Variants in RDH10 observed in about 807,000 individuals in gnomAD.
RDH10 encodes the protein retinol dehydrogenase 10.
Under a neutral mutation model 30.2 loss-of-function variants are expected in RDH10, and 12 were observed. The ratio of observed to expected loss-of-function variants is 0.40; its 90% CI spans 0.25 to 0.64. The LOEUF is 0.64. Among genes scored for constraint, RDH10 ranks in the 30% least tolerant of loss-of-function variants. The pLI is 0.43. For synonymous variants in RDH10, 189 were observed against 172.2 expected (o/e 1.10, Z -0.76); for missense variants, 268 against 445.2 (o/e 0.60, Z 3.58).
At chr8:73,316,809 G>A (rs1259737830) in intron 2 of RDH10, among the ~76,000 whole-genome samples, 1 of 152,142 alleles carries the variant, frequency 6.6e-6, no homozygotes, top group Non-Finnish European at 1.5e-5. Flanking sequence ...AGAAGCAGGA[G>A]GAAGCGAGGG....
At chr8:73,301,263 G>A (rs1396958831) in intron 2 of RDH10, among the ~76,000 whole-genome samples, 1 of 149,426 alleles carries the variant, frequency 6.7e-6, no homozygotes, top group African/African-American at 2.4e-5. Flanking sequence ...TGTTAGCCAG[G>A]ATGGTCTCGA....
At chr8:73,321,481 C>T (rs1358981599) in intron 4 of RDH10, among the ~76,000 whole-genome samples, 1 of 152,132 alleles carries the variant, frequency 6.6e-6, no homozygotes, top group Non-Finnish European at 1.5e-5. Context: ...CAGAGAGTAA[C>T]GTGCCTTTCT....
At chr8:73,307,807 C>A (rs1164419488) in intron 2 of RDH10, among the ~76,000 whole-genome samples, 1 of 152,212 alleles carries the variant, frequency 6.6e-6, no homozygotes, top group Non-Finnish European at 1.5e-5. Context: ...AAGAATTAAT[C>A]TTCAAATGTT....
chr8:73,324,848 A>G lies in RDH10; in HGVS notation c.*1812A>G, dbSNP rs1327241442. 6.6e-6 allele frequency: 1 copy of G among 152,206 alleles called. No homozygotes were observed. Among genetic ancestry groups the G allele is most frequent in the East Asian group, 1.9e-4 (1 of 5,208 alleles). The allele number at this position is 152,206 out of a possible 1,614,324, so 9.4% of individuals were successfully genotyped here. On this transcript the variant is annotated 3_prime_UTR_variant, in exon 6 of 6. Transcript: ENST00000240285. ...GATCAAATCTGCACTGTGTCTACAT[A>G]TAGGAAAGGTCCTGGTGTGTGCTAA... is the stretch of plus-strand genomic sequence containing the variant.
chr8:73,305,202 G>T (rs1814446301), intron 2 of RDH10, among the ~76,000 whole-genome samples: 1 of 152,166 alleles, frequency 6.6e-6, no homozygotes, highest in Non-Finnish European at 1.5e-5. Flanking sequence ...ATACTTAACT[G>T]CTCACACTCC....
intron 2 of RDH10, among the ~76,000 whole-genome samples, chr8:73,302,785 T>G (rs1455711500): frequency 6.6e-6 from 1 of 152,238 alleles, no homozygotes; most frequent in Non-Finnish European, 1.5e-5. Flanking sequence ...CTAACATTGC[T>G]TTACTTGTTA....
intron 4 of RDH10, 128 bp downstream of exon 4, chr8:73,321,205 T>C: frequency 1.2e-6 from 1 of 858,014 alleles, no homozygotes; most frequent in Non-Finnish European, 1.7e-6. Context: ...TGGTCAAGAT[T>C]TGTAAAGTTT....
At chr8:73,318,640 A>T (rs961583210) in intron 2 of RDH10, among the ~76,000 whole-genome samples, 3 of 152,262 alleles carry the variant, frequency 2.0e-5, no homozygotes, top group African/African-American at 7.2e-5. Context: ...TGATAGGTCT[A>T]TTACTACGTA....
chr8:73,295,300 T>C lies in RDH10; in HGVS notation c.11T>C (p.Val4Ala). The change falls in exon 1 of 6, where the codon GTG becomes GCG. Residue 4 changes from valine (V) to alanine (A), a missense_variant. By Grantham distance (64) the Val-to-Ala change is moderately conservative. This residue lies in a region of RDH10 where 44 missense variants were observed against 42.1 expected (regional missense o/e 1.04). Transcript: ENST00000240285. ...GCCCCGGGCGTCGCGATGAACATCGTGGTGGAGTTCTTCGTGGTCACTTTC... is the reference window on the plus strand; with the variant it reads ...GCCCCGGGCGTCGCGATGAACATCGCGGTGGAGTTCTTCGTGGTCACTTTC... MNI[V>A]VEFFVVTFKV... 1 of 1,558,322 alleles carries C rather than the reference T, an allele frequency of 6.4e-7. No homozygotes were observed. The highest frequency in any genetic ancestry group is 8.7e-7 in the Non-Finnish European group (1 of 1,153,608).
intron 5 of RDH10, 43 bp from the exon 6 acceptor site, chr8:73,322,870 T>G: frequency 1.2e-6 from 2 of 1,613,876 alleles, no homozygotes; most frequent in Non-Finnish European, 1.7e-6. Flanking sequence ...ATGTCTTAAT[T>G]GAAACTTCAA....
rs948661692 is a variant in RDH10 at position 73,304,135 on chromosome 8, G to A, written c.525+6706G>A. Among the ~76,000 whole-genome samples the A allele has an allele frequency of 4.6e-5, 7 of 152,228 alleles. No homozygotes were observed. The South Asian group carries it at 6.2e-4, about 14-fold the overall frequency. On this transcript the variant is annotated intron_variant, in intron 2 of 5. Transcript: ENST00000240285. ...GCTTCCATGATAAGCCCACTTTGTC[G>A]TGCTTCTCTGTCTGCCTTCAACTAC...
chr8:73,310,264 G>A (rs1814540916), intron 2 of RDH10, among the ~76,000 whole-genome samples: 1 of 152,172 alleles, frequency 6.6e-6, no homozygotes, highest in Non-Finnish European at 1.5e-5. Flanking sequence ...TGAATTCTAA[G>A]TTCTAACAGT....
intron 1 of RDH10, 78 bp from the exon 2 acceptor site, chr8:73,297,116 A>C: frequency 1.2e-6 from 1 of 817,084 alleles, no homozygotes; most frequent in South Asian, 1.4e-5. Flanking sequence ...TCTTTGTCCT[A>C]CTGATCGCCA....
intron 1 of RDH10, 117 bp downstream of exon 1, chr8:73,295,695 C>A: frequency 9.2e-7 from 1 of 1,085,698 alleles, no homozygotes; most frequent in Non-Finnish European, 1.3e-6. Context: ...GAAAGGAACA[C>A]CCCACCGGTC....
At position 73,321,088 on chromosome 8, in the gene RDH10, ACCTATATTATTACTG is replaced by A; in HGVS notation, c.770+12_770+26del. ...AGGCTGCCGAATCAGGTCAGTGAGA[ACCTATATTATTACTG>A]ATAAAAAGAATATGTTGGGAGAATA... On this transcript the variant is annotated intron_variant, in intron 4 of 5. Coordinates refer to ENST00000240285, the MANE Select transcript of RDH10 (RefSeq NM_172037.5). The A allele has an allele frequency of 2.5e-6, 4 of 1,602,282 alleles. No individual in the cohort carries two copies. Among genetic ancestry groups the A allele is most frequent in the Non-Finnish European group, 2.6e-6 (3 of 1,174,314 alleles).
intron 2 of RDH10, chr8:73,311,205 T>C (rs1814558426): frequency 6.6e-6 from 1 of 152,202 alleles, no homozygotes; most frequent in Non-Finnish European, 1.5e-5. Flanking sequence ...GTCTCACAAA[T>C]GAGTTTAGTC....
rs1814227833 is a variant in RDH10 at position 73,294,961 on chromosome 8, T to C, written c.-329T>C. 1 of 390,842 alleles carries C rather than the reference T, an allele frequency of 2.6e-6. No individual in the cohort carries two copies. The highest frequency in any genetic ancestry group is 4.5e-5 in the Admixed American group (1 of 22,394). The allele number at this position is 390,842 out of a possible 1,614,324, so 24.2% of individuals were successfully genotyped here. A position where few individuals can be genotyped will look rare whatever the true frequency, so the allele number is the denominator to read the frequency against. On this transcript the variant is annotated 5_prime_UTR_variant, in exon 1 of 6. Coordinates refer to ENST00000240285, the MANE Select transcript of RDH10 (RefSeq NM_172037.5). ...ATGAGGGCAGTTCGAGTAGTCTAAC[T>C]CGCGGCTGTCACCGCCACTGCAGCG... is the stretch of plus-strand genomic sequence containing the variant.
At chr8:73,317,020 A>G (rs1586195182) in intron 2 of RDH10, among the ~76,000 whole-genome samples, 2 of 152,308 alleles carry the variant, frequency 1.3e-5, no homozygotes, top group Middle Eastern at 6.8e-3. Context: ...CCGTATCACT[A>G]GCTCTCCTCC....
In RDH10 at chr8:73,295,442, C is replaced by G; in HGVS notation, c.153C>G (p.Leu51=). ...ITGAGSGLGR[L]FALEFARRRA... ...GCGCCGGCAGCGGCCTGGGCCGCCT[C>G]TTCGCGCTGGAGTTCGCCCGGCGTC... Residue 51 remains leucine (L), a synonymous_variant, in exon 1 of 6, where the codon CTC becomes CTG. Transcript: ENST00000240285. 2 of 1,550,330 alleles carry G rather than the reference C, an allele frequency of 1.3e-6. No individual in the cohort carries two copies. The highest frequency in any genetic ancestry group is 2.4e-5 in the South Asian group (2 of 84,254).
Sources: allele counts gnomAD v4.1 joint callset (sites outside exome capture counted in the v4.1 genomes callset), GRCh38; gene constraint gnomAD v4.1.1; regional missense constraint gnomAD v4.1.1; transcripts MANE v1.5; gene names NCBI Gene and HGNC (gene_info 2026-07-23, HGNC 2026-07-21).